STPG2: variants seen among roughly 807,000 people sequenced by gnomAD.
The protein encoded by STPG2 is sperm tail PG-rich repeat containing 2.
STPG2 carries 56 observed loss-of-function variants against 54.2 expected under a neutral mutation model. The observed-to-expected ratio is 1.03, with a 90% CI of 0.83 to 1.29. The LOEUF (loss-of-function observed/expected upper bound fraction) is 1.29, where lower values mean the gene tolerates loss of function less well. Among genes scored for constraint, STPG2 ranks in the 50% most tolerant of loss-of-function variants. STPG2 has a pLI of 0.00. For missense variants in STPG2, 596 were observed against 544.9 expected, an observed-to-expected ratio of 1.09 and a Z score of -0.93; for synonymous variants, 200 against 181.8, an observed-to-expected ratio of 1.10 and a Z score of -0.81.
rs575418828 is a variant in STPG2 at position 97,563,085 on chromosome 4, T to G, written c.1321-3968A>C. On this transcript the variant is annotated intron_variant, in intron 10 of 10. Transcript: ENST00000295268. ...TCCATCTGGTCCTGGACTCTTTTTGTTTGGTAAACTATTGATTATTGCCAC... is the reference window on the plus strand; with the variant it reads ...TCCATCTGGTCCTGGACTCTTTTTGGTTGGTAAACTATTGATTATTGCCAC... 7.8e-3 allele frequency among the ~76,000 whole-genome samples: 1,193 copies of G among 152,244 alleles called. 6 individuals are homozygous for G. The highest frequency in any genetic ancestry group is 0.02 in the South Asian group (97 of 4,826).
intron 3 of STPG2, among the ~76,000 whole-genome samples, chr4:98,127,676 A>G (rs1437285427): frequency 6.6e-6 from 1 of 152,208 alleles, no homozygotes; most frequent in Admixed American, 6.5e-5. Flanking sequence ...AATCAGACAT[A>G]CCATCTATCT....
chr4:97,873,337 G>A (rs1457814429), intron 8 of STPG2, among the ~76,000 whole-genome samples: 2 of 150,880 alleles, frequency 1.3e-5, no homozygotes, highest in African/African-American at 4.9e-5. Context: ...CACAGAGAAA[G>A]TAGCTTAAAA....
chr4:97,443,265 A>G (rs558519778), intron 4 of STPG2, among the ~76,000 whole-genome samples: 1 of 152,300 alleles, frequency 6.6e-6, no homozygotes, highest in Non-Finnish European at 1.5e-5. Context: ...TAAAAACCTA[A>G]GCTGAGACTT....
intron 10 of STPG2, among the ~76,000 whole-genome samples, chr4:97,689,068 C>A (rs1217789405): frequency 6.6e-6 from 1 of 152,120 alleles, no homozygotes; most frequent in Non-Finnish European, 1.5e-5. Context: ...GGCTAAATAA[C>A]CTCTACATAC....
chr4:97,776,459 TCC>T (rs1423513036), intron 9 of STPG2, among the ~76,000 whole-genome samples: 30 of 152,334 alleles, frequency 2.0e-4, no homozygotes, highest in Admixed American at 5.2e-4. Flanking sequence ...TAACTTATTT[TCC>T]ACTCCCATTA....
intron 8 of STPG2, among the ~76,000 whole-genome samples, chr4:97,899,063 C>A (rs935433866): frequency 6.6e-6 from 1 of 151,652 alleles, no homozygotes; most frequent in Non-Finnish European, 1.5e-5. Flanking sequence ...GATTCTGGAT[C>A]TAGAAAACCC....
rs575005594 is a variant in STPG2 at position 98,057,017 on chromosome 4, A to G, written c.612+48936T>C. 2.6e-5 allele frequency among the ~76,000 whole-genome samples: 4 copies of G among 152,296 alleles called. No homozygotes were observed. The South Asian group carries it at 8.3e-4, about 32-fold the overall frequency. Reference sequence around the variant, plus strand: ...CTTCATAAATTAACCAGTCTCAGGTAGTTCTTTACAGCAGTGTGCAGAATG... The same window carrying G: ...CTTCATAAATTAACCAGTCTCAGGTGGTTCTTTACAGCAGTGTGCAGAATG... On this transcript the variant is annotated intron_variant, in intron 5 of 10. Transcript: ENST00000295268.
chr4:98,090,051 T>C (rs938078143), intron 5 of STPG2, among the ~76,000 whole-genome samples: 1 of 152,210 alleles, frequency 6.6e-6, no homozygotes, highest in Admixed American at 6.5e-5. Flanking sequence ...CTTTTTAGTT[T>C]AATTGGGTCC....
At chr4:98,132,126 T>C (rs10025482) in intron 2 of STPG2, among the ~76,000 whole-genome samples, 81,251 of 151,678 alleles carry the variant, frequency 0.54, 22,001 homozygotes, top group East Asian at 0.61. Context: ...AGGAAGGAAA[T>C]ATATTATTAA....
At chr4:98,045,425 C>A (rs1321254956) in intron 5 of STPG2, among the ~76,000 whole-genome samples, 1 of 152,110 alleles carries the variant, frequency 6.6e-6, no homozygotes, top group Non-Finnish European at 1.5e-5. Context: ...TTTCCTGAGG[C>A]CTGTGGAAAT....
chr4:98,085,330 A>T (rs933658157), intron 5 of STPG2, among the ~76,000 whole-genome samples: 1 of 152,088 alleles, frequency 6.6e-6, no homozygotes, highest in African/African-American at 2.4e-5. Context: ...TATCTTGATT[A>T]CCTGATTGAT....
At chr4:97,634,502 CG>C (rs1445477056) in intron 10 of STPG2, among the ~76,000 whole-genome samples, 1 of 152,070 alleles carries the variant, frequency 6.6e-6, no homozygotes, top group African/African-American at 2.4e-5. Flanking sequence ...ATGACTTTGA[CG>C]AGCTGAGAGA....
At chr4:97,571,389 G>A (rs1732596196) in intron 10 of STPG2, among the ~76,000 whole-genome samples, 1 of 152,124 alleles carries the variant, frequency 6.6e-6, no homozygotes, top group African/African-American at 2.4e-5. Flanking sequence ...ATGAAGGGAA[G>A]TGGAGGTCGA....
At chr4:97,733,437 A>C (rs574518276) in intron 9 of STPG2, among the ~76,000 whole-genome samples, 1 of 151,816 alleles carries the variant, frequency 6.6e-6, no homozygotes, top group Non-Finnish European at 1.5e-5. Flanking sequence ...AGAATGTAGA[A>C]GGGGGAGGGT....
chr4:98,008,304 T>TA (rs34947608), intron 5 of STPG2, among the ~76,000 whole-genome samples: 129 of 149,556 alleles, frequency 8.6e-4, no homozygotes, highest in African/African-American at 2.8e-3. Flanking sequence ...ATTCTGAAAT[T>TA]AAAAAAAAAA....
intron 4 of STPG2, among the ~76,000 whole-genome samples, chr4:97,508,631 T>C (rs1235623009): frequency 6.6e-6 from 1 of 152,128 alleles, no homozygotes; most frequent in Non-Finnish European, 1.5e-5. Flanking sequence ...CAAAATAGTT[T>C]ATTATTCACC....
Position 97,685,508 on chromosome 4 carries a change from T to C in STPG2, c.1320+27191A>G, listed in dbSNP as rs1363455446. Among the ~76,000 whole-genome samples the C allele has an allele frequency of 3.9e-5, 6 of 151,926 alleles. 1 individual carries two copies. Among genetic ancestry groups the C allele is most frequent in the Admixed American group, 3.9e-4 (6 of 15,266 alleles). Reference sequence around the variant, plus strand: ...TCTTGAAAAAGCAAAATTACAGAGATAGTAAAAAGATCATGATTGCCAAGT... The same window carrying C: ...TCTTGAAAAAGCAAAATTACAGAGACAGTAAAAAGATCATGATTGCCAAGT... On this transcript the variant is annotated intron_variant, in intron 10 of 10. Transcript: ENST00000295268.
In STPG2 at chr4:98,122,590, T is replaced by A. The variant is rs59036745; in HGVS notation, c.387+5838A>T. On this transcript the variant is annotated intron_variant, in intron 3 of 10. Coordinates refer to ENST00000295268, the MANE Select transcript of STPG2 (RefSeq NM_174952.3). ...TGCTGGATTTGGCTTGCCAGTATTT[T>A]TTGAGGATTTTTTGCATCAATGCTC... Among the ~76,000 whole-genome samples the A allele has an allele frequency of 0.032, 4,873 of 152,278 alleles. 369 individuals carry two copies. The East Asian group carries it at 0.32, about 10-fold the overall frequency.
intron 10 of STPG2, among the ~76,000 whole-genome samples, chr4:97,589,763 T>C (rs555815529): frequency 2.0e-5 from 3 of 152,200 alleles, no homozygotes; most frequent in African/African-American, 7.2e-5. Context: ...TAAGTGCACA[T>C]ACAAGTGTAT....
Sources: allele counts gnomAD v4.1 joint callset (sites outside exome capture counted in the v4.1 genomes callset), GRCh38; gene constraint gnomAD v4.1.1; transcripts MANE v1.5; gene names NCBI Gene and HGNC (gene_info 2026-07-23, HGNC 2026-07-21).